The following RB1CC1 variants were observed in gnomAD, a reference collection of about 807,000 sequenced individuals.
RB1CC1 encodes RB1-inducible coiled-coil protein 1.
In RB1CC1, 46 loss-of-function variants were observed where a neutral mutation model predicts 177.5. The observed-to-expected ratio is 0.26, with a 90% CI of 0.20 to 0.33. The LOEUF is 0.33. RB1CC1 is among the 10% of genes least tolerant of loss of function. The probability of loss-of-function intolerance (pLI) is 1.00; values close to 1 mark genes in which losing one functional copy is unlikely to be tolerated. For missense variants in RB1CC1, 1,703 were observed against 1,816.3 expected (o/e 0.94, Z 1.13); for synonymous variants, 666 against 613.6 (o/e 1.09, Z -1.26).
rs375673283 is a variant in RB1CC1, at chr8:52,657,390, T to C, written c.2439A>G (p.Gln813=). ...VVAQDSHFSI[Q]TIKEDLCHFR... is the part of the protein sequence containing the mutation. ...AGTGGCAAAGGTCTTCCTTAATGGT[T>C]TGTATACTGAAGTGAGAGTCTTGGG... The change falls in exon 15 of 24, where the codon CAA becomes CAG. Residue 813 remains glutamine (Q), a synonymous_variant. Transcript: ENST00000025008. The C allele has an allele frequency of 3.7e-5, 59 of 1,613,938 alleles. No individual in the cohort carries two copies. In the African/African-American group the frequency reaches 7.3e-4, roughly 20 times the overall value.
At chr8:52,653,565 G>A (rs982457098) in intron 15 of RB1CC1, among the ~76,000 whole-genome samples, 5 of 152,064 alleles carry the variant, frequency 3.3e-5, no homozygotes, top group Non-Finnish European at 7.4e-5. Context: ...CCCAAACACT[G>A]GCTCTGAGAA....
chr8:52,705,662 G>A (rs1324070551), intron 1 of RB1CC1, among the ~76,000 whole-genome samples: 1 of 152,092 alleles, frequency 6.6e-6, no homozygotes, highest in East Asian at 1.9e-4. Context: ...TTAAAATGAT[G>A]AATTTAAAAA....
In RB1CC1 at chr8:52,676,562, C is replaced by T; in HGVS notation, c.379G>A (p.Glu127Lys). ...AAAGAACAAAGTTTCTTGGCAACTT[C>T]ATACATTTCCTATATTGAAAAAGAA... ...SRTQLALEMY[E>K]VAKKLCSFCE... The change falls in exon 6 of 24, where the codon GAA becomes AAA. Residue 127 changes from glutamate to lysine, a missense_variant. This residue lies in a region of RB1CC1 where 315 missense variants were observed against 304.9 expected (regional missense o/e 1.03). Transcript: ENST00000025008. 1 of 1,600,480 alleles carries T rather than the reference C, an allele frequency of 6.2e-7. No individual in the cohort carries two copies.
intron 1 of RB1CC1, among the ~76,000 whole-genome samples, chr8:52,689,300 G>A (rs748211997): frequency 6.6e-5 from 10 of 152,084 alleles, no homozygotes; most frequent in Admixed American, 2.0e-4. Context: ...ACGAACATCA[G>A]CAAATTTGTC....
intron 1 of RB1CC1, among the ~76,000 whole-genome samples, chr8:52,699,395 T>C (rs888724252): frequency 6.6e-6 from 1 of 152,158 alleles, no homozygotes; most frequent in Non-Finnish European, 1.5e-5. Context: ...GAGAAGCAGA[T>C]GGAAGTATAG....
At position 52,645,305 on chromosome 8, in the gene RB1CC1, T is replaced by A. The variant is rs565973495; in HGVS notation, c.3987+397A>T. ...GAGAATTTGAAGCTTAGAGAAAAAA[T>A]AAAATCATTTTTTAAATTAAAAACA... On this transcript the variant is annotated intron_variant, in intron 16 of 23. Coordinates refer to ENST00000025008, the MANE Select transcript of RB1CC1 (RefSeq NM_014781.5). 2.0e-5 allele frequency among the ~76,000 whole-genome samples: 3 copies of A among 152,254 alleles called. No homozygotes were observed. The South Asian group carries it at 6.2e-4, about 32-fold the overall frequency.
intron 1 of RB1CC1, among the ~76,000 whole-genome samples, chr8:52,708,998 G>T (rs996734121): frequency 6.6e-6 from 1 of 151,742 alleles, no homozygotes; most frequent in South Asian, 2.1e-4. Flanking sequence ...ACCTGAGGTC[G>T]CGAGTTTGAG....
At chr8:52,647,318 A>G (rs1850135330) in intron 15 of RB1CC1, among the ~76,000 whole-genome samples, 1 of 152,162 alleles carries the variant, frequency 6.6e-6, no homozygotes, top group Admixed American at 6.6e-5. Context: ...AGTTCCCAGA[A>G]AGGCTGGAAT....
At chr8:52,649,271 A>G (rs1440904901) in intron 15 of RB1CC1, among the ~76,000 whole-genome samples, 1 of 152,238 alleles carries the variant, frequency 6.6e-6, no homozygotes, top group Non-Finnish European at 1.5e-5. Context: ...AGGCCTGGAC[A>G]TTGAAACTCA....
chr8:52,628,171 GAATA>G lies in RB1CC1; in HGVS notation c.4500-7_4500-4del, dbSNP rs1563344900. The stretch of plus-strand genomic sequence containing the variant: ...GTACCAAATCTCCCACCTGAAAACT[GAATA>G]AAGAAATGCAATTTTATTGACTTAG... On this transcript the variant is annotated splice_region_variant and splice_polypyrimidine_tract_variant and intron_variant, in intron 21 of 23. Transcript: ENST00000025008. The G allele has an allele frequency of 3.1e-6, 5 of 1,605,586 alleles. No individual in the cohort carries two copies. Among genetic ancestry groups the G allele is most frequent in the Non-Finnish European group, 3.4e-6 (4 of 1,175,580 alleles).
In RB1CC1 at chr8:52,660,663, T is replaced by A. The variant is rs759289787; in HGVS notation, c.1628-6A>T. Reference sequence around the variant, plus strand: ...ATTTCTTAAAAAAGACTTCCCTGTATAAAGAAATTAACAATATGGTTATTT... The same window carrying A: ...ATTTCTTAAAAAAGACTTCCCTGTAAAAAGAAATTAACAATATGGTTATTT... On this transcript the variant is annotated splice_region_variant and splice_polypyrimidine_tract_variant and intron_variant, in intron 11 of 23. Coordinates refer to ENST00000025008, the MANE Select transcript of RB1CC1 (RefSeq NM_014781.5). The A allele has an allele frequency of 7.5e-6, 12 of 1,590,316 alleles. No individual in the cohort carries two copies. In the South Asian group the frequency reaches 1.4e-4, roughly 19 times the overall value.
intron 16 of RB1CC1, among the ~76,000 whole-genome samples, chr8:52,643,457 T>C (rs1849745099): frequency 6.6e-6 from 1 of 152,090 alleles, no homozygotes; most frequent in South Asian, 2.1e-4. Flanking sequence ...TCTCAGCACT[T>C]TGGGAGACTG....
At chr8:52,681,515 A>T (rs1853716464) in intron 5 of RB1CC1, among the ~76,000 whole-genome samples, 1 of 152,182 alleles carries the variant, frequency 6.6e-6, no homozygotes, top group Non-Finnish European at 1.5e-5. Flanking sequence ...AAGAAATATC[A>T]CCTCTAATTC....
At chr8:52,678,477 G>C (rs1591061697) in intron 5 of RB1CC1, among the ~76,000 whole-genome samples, 1 of 152,262 alleles carries the variant, frequency 6.6e-6, no homozygotes, top group African/African-American at 2.4e-5. Context: ...GCTAAGGTCA[G>C]TTAGAAATGT....
chr8:52,713,213 CTT>C (rs1216704861), intron 1 of RB1CC1, among the ~76,000 whole-genome samples: 1 of 152,170 alleles, frequency 6.6e-6, no homozygotes, highest in Admixed American at 6.5e-5. Flanking sequence ...TAACGTGACT[CTT>C]TATCAACAGT....
At chr8:52,635,474 G>A (rs900802838) in intron 19 of RB1CC1, among the ~76,000 whole-genome samples, 31 of 152,068 alleles carry the variant, frequency 2.0e-4, no homozygotes, top group African/African-American at 6.5e-4. Context: ...CCTAAAGAAT[G>A]AAAAGTAATC....
intron 20 of RB1CC1, among the ~76,000 whole-genome samples, chr8:52,631,943 A>T (rs1258154215): frequency 2.0e-5 from 3 of 152,192 alleles, no homozygotes; most frequent in Non-Finnish European, 4.4e-5. Context: ...TAAAGTTCTG[A>T]AGGCTGAGAA....
chr8:52,672,051 T>C (rs16918087), intron 7 of RB1CC1, among the ~76,000 whole-genome samples: 2 of 152,202 alleles, frequency 1.3e-5, no homozygotes, highest in Non-Finnish European at 2.9e-5. Flanking sequence ...CCCTATTCAA[T>C]GTAGCATTAA....
rs766330292 is a variant in RB1CC1 at position 52,673,850 on chromosome 8, T to C, written c.997A>G (p.Ser333Gly). The C allele has an allele frequency of 3.6e-5, 58 of 1,606,558 alleles. No homozygotes were observed. Among genetic ancestry groups the C allele is most frequent in the Admixed American group, 1.2e-4 (7 of 59,328 alleles). ...SLVRKCFDSM[S>G]RLDPRIIRPF... is the part of the protein sequence containing the mutation. ...ATCAAATTAACGTTACTTACCCTGCTCATAGAATCAAAGCACTTCCTGACC... is the reference window on the plus strand; with the variant it reads ...ATCAAATTAACGTTACTTACCCTGCCCATAGAATCAAAGCACTTCCTGACC... Residue 333 changes from serine (S) to glycine (G), a missense_variant, in exon 7 of 24, where the codon AGC becomes GGC. Transcript: ENST00000025008.
Sources: gnomAD v4.1 joint callset for allele counts (sites outside exome capture counted in the v4.1 genomes callset) on GRCh38, gnomAD v4.1.1 for gene constraint, gnomAD v4.1.1 regional missense constraint, MANE v1.5 for transcripts, NCBI Gene and HGNC (gene_info 2026-07-23, HGNC 2026-07-21) for gene names.